Variants in ASAP1 observed in about 807,000 individuals in gnomAD.
ASAP1 encodes the protein ArfGAP with SH3 domain, ankyrin repeat and PH domain 1.
Under a neutral mutation model 145.2 loss-of-function variants are expected in ASAP1, and 43 were observed. The observed-to-expected ratio is 0.30, with a 90% confidence interval of 0.23 to 0.38. The LOEUF (loss-of-function observed/expected upper bound fraction) is 0.38, where lower values mean the gene tolerates loss of function less well. Among genes scored for constraint, ASAP1 ranks in the 10% least tolerant of loss-of-function variants. The pLI is 1.00. For missense variants in ASAP1, 1,018 were observed against 1,355.3 expected (o/e 0.75, Z 3.91); for synonymous variants, 546 against 515.5 (o/e 1.06, Z -0.80).
intron 3 of ASAP1, among the ~76,000 whole-genome samples, chr8:130,271,853 C>G (rs534426292): frequency 9.9e-5 from 15 of 152,180 alleles, no homozygotes; most frequent in Admixed American, 7.2e-4. Context: ...GATTGTGTGC[C>G]ACTCTGAGCT....
At chr8:130,285,633 GT>G (rs756743454) in intron 3 of ASAP1, among the ~76,000 whole-genome samples, 1 of 152,148 alleles carries the variant, frequency 6.6e-6, no homozygotes, top group Non-Finnish European at 1.5e-5. Flanking sequence ...CAACAGGTTG[GT>G]TTTGTTTTTC....
intron 20 of ASAP1, among the ~76,000 whole-genome samples, chr8:130,117,889 G>A (rs1185649501): frequency 2.0e-5 from 3 of 152,158 alleles, no homozygotes; most frequent in African/African-American, 7.2e-5. Context: ...CTGGTTCACT[G>A]TCTGTTTTTA....
At chr8:130,303,472 T>A (rs1044791760) in intron 3 of ASAP1, among the ~76,000 whole-genome samples, 1 of 152,084 alleles carries the variant, frequency 6.6e-6, no homozygotes, top group Non-Finnish European at 1.5e-5. Context: ...TACCACTTAG[T>A]TGGTGACCAA....
At chr8:130,156,866 TAAGAA>T (rs1358569106) in intron 12 of ASAP1, among the ~76,000 whole-genome samples, 1 of 152,208 alleles carries the variant, frequency 6.6e-6, no homozygotes, top group African/African-American at 2.4e-5. Flanking sequence ...ATGCAACACT[TAAGAA>T]AAGACTGTTG....
intron 15 of ASAP1, 86 bp from the exon 16 acceptor site, chr8:130,128,176 A>C: frequency 1.1e-6 from 1 of 949,246 alleles, no homozygotes. Flanking sequence ...CCACTGCAAA[A>C]AAAAAAAATC....
At chr8:130,251,408 A>C (rs1565136705) in intron 3 of ASAP1, among the ~76,000 whole-genome samples, 1 of 152,104 alleles carries the variant, frequency 6.6e-6, no homozygotes, top group African/African-American at 2.4e-5. Context: ...ATAGAGTGAG[A>C]CTCTGTCTTA....
Position 130,180,819 on chromosome 8 carries a change from T to C in ASAP1, c.592A>G (p.Ile198Val), listed in dbSNP as rs1258283252. The stretch of plus-strand genomic sequence containing the variant: ...TCTTCCGCAATCTCAGCTCCTGTTA[T>C]CTCTGTGCGGATCATCCCATGTTGT... ...AKQHGMIRTEITGAEIAEEME... is the reference protein window; with the variant it reads ...AKQHGMIRTEVTGAEIAEEME... Residue 198 changes from isoleucine to valine, a missense_variant, in exon 8 of 30, where the codon ATA becomes GTA. By Grantham distance (29) the Ile-to-Val change is conservative. Coordinates refer to ENST00000518721, the MANE Select transcript of ASAP1 (RefSeq NM_018482.4). The C allele has an allele frequency of 3.1e-6, 5 of 1,613,940 alleles. No homozygotes were observed. The South Asian group carries it at 4.4e-5, about 14-fold the overall frequency.
chr8:130,118,171 C>G lies in ASAP1; in HGVS notation c.1870G>C (p.Val624Leu). The change falls in exon 20 of 30, where the codon GTA becomes CTA. Residue 624 changes from valine (V) to leucine (L), a missense_variant. Around this residue, in one of 9 missense-constraint regions of ASAP1, gnomAD observed 353 missense variants for 375.4 expected, o/e 0.94. Coordinates refer to ENST00000518721, the MANE Select transcript of ASAP1 (RefSeq NM_018482.4). ...AAACAAAAACGATACCAGTTTTGTA[C>G]AAGGAAGTCAACCAAATGGAGAGAT... Reference protein sequence around the residue: ...QTSLHLVDFLVQNCGNLDKQT... With the variant: ...QTSLHLVDFLLQNCGNLDKQT... 1.2e-6 allele frequency: 2 copies of G among 1,613,630 alleles called. No homozygotes were observed. Among genetic ancestry groups the G allele is most frequent in the Non-Finnish European group, 1.7e-6 (2 of 1,179,674 alleles).
intron 3 of ASAP1, among the ~76,000 whole-genome samples, chr8:130,354,132 T>C (rs1312006137): frequency 6.6e-6 from 1 of 152,104 alleles, no homozygotes; most frequent in Admixed American, 6.5e-5. Flanking sequence ...CCTCGTGTTC[T>C]GCCCACCTCG....
chr8:130,334,105 G>A (rs530246348), intron 3 of ASAP1, among the ~76,000 whole-genome samples: 4 of 152,290 alleles, frequency 2.6e-5, no homozygotes, highest in Admixed American at 1.3e-4. Flanking sequence ...ACGTGAAAAT[G>A]CAAGAGGCTT....
chr8:130,370,782 A>C (rs140467036), intron 2 of ASAP1, among the ~76,000 whole-genome samples: 2 of 152,248 alleles, frequency 1.3e-5, no homozygotes, highest in Admixed American at 6.5e-5. Context: ...CATTATGCTA[A>C]GTCAAAAGTC....
chr8:130,344,924 A>T (rs1406429372), intron 3 of ASAP1, among the ~76,000 whole-genome samples: 2 of 152,200 alleles, frequency 1.3e-5, no homozygotes, highest in African/African-American at 4.8e-5. Context: ...CGTATGTTTT[A>T]GTCCTAAAGG....
intron 11 of ASAP1, among the ~76,000 whole-genome samples, chr8:130,167,047 T>TA (rs2097681321): frequency 6.6e-6 from 1 of 152,210 alleles, no homozygotes; most frequent in Non-Finnish European, 1.5e-5. Context: ...CTCATGTCTG[T>TA]AATCCCAGAA....
chr8:130,360,830 T>C (rs949720774), intron 2 of ASAP1: 1 of 152,240 alleles, frequency 6.6e-6, no homozygotes, highest in Admixed American at 6.5e-5. Context: ...TGACAGAACA[T>C]GGTCTTTTGA....
rs1392228484 is a variant in ASAP1, at chr8:130,060,651, T to C, written c.3120A>G (p.Ala1040=). The stretch of plus-strand genomic sequence containing the variant: ...GCGTGAGGTCGTTGGAGTCTTCAGA[T>C]GCTTGCTTTTGGATGGCGTCTCTGG... ...VQSRDAIQKQ[A]SEDSNDLTPT... is the part of the protein sequence containing the mutation. The change falls in exon 28 of 30, where the codon GCA becomes GCG. Residue 1040 remains alanine, a synonymous_variant. Transcript: ENST00000518721. 1.9e-6 allele frequency: 3 copies of C among 1,614,156 alleles called. No homozygotes were observed. Among genetic ancestry groups the C allele is most frequent in the South Asian group, 1.1e-5 (1 of 91,084 alleles).
chr8:130,264,034 C>T (rs148640119), intron 3 of ASAP1, among the ~76,000 whole-genome samples: 73 of 152,290 alleles, frequency 4.8e-4, no homozygotes, highest in Non-Finnish European at 8.2e-4. Context: ...GAAAAAACCA[C>T]AACTGGAAAA....
At chr8:130,237,164 T>C (rs551587942) in intron 3 of ASAP1, among the ~76,000 whole-genome samples, 170 bp from the exon 4 acceptor site, 118 of 152,144 alleles carry the variant, frequency 7.8e-4, no homozygotes, top group African/African-American at 2.7e-3. Flanking sequence ...GGGATCTGAG[T>C]AGTTATATTT....
chr8:130,186,443 T>C (rs1054521093), intron 7 of ASAP1, among the ~76,000 whole-genome samples: 24 of 152,160 alleles, frequency 1.6e-4, no homozygotes, highest in Admixed American at 3.9e-4. Flanking sequence ...AGACTTTTAT[T>C]AAAAGCTTTA....
chr8:130,248,273 A>G (rs1565133487), intron 3 of ASAP1, among the ~76,000 whole-genome samples: 1 of 152,114 alleles, frequency 6.6e-6, no homozygotes, highest in Admixed American at 6.5e-5. Flanking sequence ...CGGCTCCTAC[A>G]TCTACAAAGA....
Sources: gnomAD v4.1 joint callset for allele counts (sites outside exome capture counted in the v4.1 genomes callset) on GRCh38, gnomAD v4.1.1 for gene constraint, gnomAD v4.1.1 regional missense constraint, MANE v1.5 for transcripts, NCBI Gene and HGNC (gene_info 2026-07-23, HGNC 2026-07-21) for gene names.